Variants in GAS7 observed in about 807,000 individuals in gnomAD.
The protein encoded by GAS7 is growth arrest specific 7.
Under a neutral mutation model 71.1 loss-of-function variants are expected in GAS7, and 28 were observed. The ratio of observed to expected loss-of-function variants is 0.39; its 90% CI spans 0.29 to 0.54. GAS7 has a LOEUF of 0.54. Among genes scored for constraint, GAS7 ranks in the 20% least tolerant of loss-of-function variants. The probability of loss-of-function intolerance (pLI) is 0.62; values close to 1 mark genes in which losing one functional copy is unlikely to be tolerated. For synonymous variants in GAS7, 258 were observed against 245.8 expected, an observed-to-expected ratio of 1.05 and a Z score of -0.46; for missense variants, 436 against 627.8, an observed-to-expected ratio of 0.69 and a Z score of 3.27.
intron 1 of GAS7, among the ~76,000 whole-genome samples, chr17:10,110,247 A>T (rs2073798463): frequency 6.6e-6 from 1 of 152,166 alleles, no homozygotes; most frequent in African/African-American, 2.4e-5. Flanking sequence ...CATTAGCAGC[A>T]ACATGAACGG....
intron 1 of GAS7, among the ~76,000 whole-genome samples, chr17:10,024,070 G>A (rs1164304257): frequency 6.6e-6 from 1 of 152,212 alleles, no homozygotes; most frequent in Non-Finnish European, 1.5e-5. Context: ...GTTGCCGTGA[G>A]CCAAGACTGC....
At chr17:10,166,971 C>T (rs2074298577) in intron 1 of GAS7, among the ~76,000 whole-genome samples, 1 of 151,150 alleles carries the variant, frequency 6.6e-6, no homozygotes, top group Admixed American at 6.6e-5. Context: ...TGGGACTTCA[C>T]TCTGCCACTA....
In GAS7 at chr17:10,032,886, G is replaced by A. The variant is rs184920586; in HGVS notation, c.184-12989C>T. On this transcript the variant is annotated intron_variant, in intron 1 of 13. Transcript: ENST00000432992. ...GGCTTGTCTGAGACACCAACAAAGCGAAGTGATATACCAAAAATTGGAAAT... is the reference window on the plus strand; with the variant it reads ...GGCTTGTCTGAGACACCAACAAAGCAAAGTGATATACCAAAAATTGGAAAT... 1.5e-3 allele frequency among the ~76,000 whole-genome samples: 229 copies of A among 152,300 alleles called. 1 individual carries two copies. The highest frequency in any genetic ancestry group is 4.4e-3 in the African/African-American group (184 of 41,546).
intron 9 of GAS7, among the ~76,000 whole-genome samples, chr17:9,931,620 G>C (rs1015417655): frequency 3.9e-5 from 6 of 152,246 alleles, no homozygotes; most frequent in African/African-American, 1.4e-4. Context: ...ATAACTTGCT[G>C]TTTTGGATGC....
intron 1 of GAS7, among the ~76,000 whole-genome samples, chr17:10,135,950 T>C (rs1375229830): frequency 6.6e-6 from 1 of 152,124 alleles, no homozygotes; most frequent in Non-Finnish European, 1.5e-5. Flanking sequence ...AGTTCAGATG[T>C]GGGGAGACAG....
intron 1 of GAS7, chr17:10,036,549 C>T (rs2072756658): frequency 1.9e-6 from 3 of 1,578,058 alleles, no homozygotes; most frequent in East Asian, 4.5e-5. Context: ...TTCATGGCAG[C>T]CTCTCCGGGA....
At chr17:9,988,366 C>T (rs1258756920) in intron 2 of GAS7, among the ~76,000 whole-genome samples, 3 of 152,204 alleles carry the variant, frequency 2.0e-5, no homozygotes, top group Non-Finnish European at 4.4e-5. Context: ...GTCCTCCAAG[C>T]GAGCCCCATT....
At chr17:10,096,832 T>C (rs947858403) in intron 1 of GAS7, among the ~76,000 whole-genome samples, 1 of 152,232 alleles carries the variant, frequency 6.6e-6, no homozygotes, top group Non-Finnish European at 1.5e-5. Context: ...AACCTACGGA[T>C]CCACGAGTGG....
rs2069366682 is a variant in GAS7 at position 9,959,046 on chromosome 17, T to C, written c.525+156A>G. The C allele has an allele frequency of 2.2e-6, 3 of 1,335,212 alleles. No homozygotes were observed. The South Asian group carries it at 4.6e-5, about 21-fold the overall frequency. The allele number at this position is 1,335,212 out of a possible 1,614,324, so 82.7% of individuals were successfully genotyped here. ...GAGAAGGGGAGGTGGGAGGGGCATG[T>C]GGATGGGGAACTTGAGTGAAATCCG... On this transcript the variant is annotated intron_variant, in intron 5 of 13. Transcript: ENST00000432992. The surrounding 1 kb of genome is among the most constrained non-coding windows in gnomAD (Gnocchi z 5.0).
intron 12 of GAS7, among the ~76,000 whole-genome samples, chr17:9,918,851 G>C (rs1293233929): frequency 6.6e-6 from 1 of 152,162 alleles, no homozygotes; most frequent in African/African-American, 2.4e-5. Context: ...TCAGAAAGGG[G>C]GGTAAAGCAG....
chr17:10,007,818 C>T (rs998466490), intron 2 of GAS7, among the ~76,000 whole-genome samples: 1 of 151,902 alleles, frequency 6.6e-6, no homozygotes, highest in African/African-American at 2.4e-5. Context: ...GTATAACCTG[C>T]ACCACTACCT....
At chr17:10,041,965 C>T (rs1389579447) in intron 1 of GAS7, among the ~76,000 whole-genome samples, 1 of 152,096 alleles carries the variant, frequency 6.6e-6, no homozygotes, top group Non-Finnish European at 1.5e-5. Context: ...TTGCTGTAGG[C>T]CCTTGTCCTC....
chr17:10,149,834 G>A (rs1256719229), intron 1 of GAS7, among the ~76,000 whole-genome samples: 1 of 152,202 alleles, frequency 6.6e-6, no homozygotes, highest in African/African-American at 2.4e-5. Flanking sequence ...AGTGAAATAA[G>A]CCAGACACAA....
At chr17:10,092,056 C>G (rs1207620409) in intron 1 of GAS7, among the ~76,000 whole-genome samples, 1 of 152,114 alleles carries the variant, frequency 6.6e-6, no homozygotes, top group East Asian at 1.9e-4. Flanking sequence ...GTGGCCTAAA[C>G]AGTCTCCCCC....
At chr17:10,023,506 A>T (rs7215794) in intron 1 of GAS7, among the ~76,000 whole-genome samples, 7,135 of 145,618 alleles carry the variant, frequency 0.049, 558 homozygotes, top group African/African-American at 0.18. Context: ...TTCAGAAATT[A>T]AAAAAAAAAA....
chr17:10,094,776 G>A (rs1353599151), intron 1 of GAS7, among the ~76,000 whole-genome samples: 1 of 152,048 alleles, frequency 6.6e-6, no homozygotes, highest in Non-Finnish European at 1.5e-5. Flanking sequence ...CCACTCTCTG[G>A]ATCTTTAAAA....
At chr17:10,004,316 T>C (rs1392234202) in intron 2 of GAS7, among the ~76,000 whole-genome samples, 2 of 152,226 alleles carry the variant, frequency 1.3e-5, no homozygotes, top group South Asian at 2.1e-4. Flanking sequence ...TCAATTCACA[T>C]GGTCCTTGCC....
intron 11 of GAS7, 99 bp downstream of exon 11, chr17:9,925,377 C>T: frequency 1.6e-6 from 2 of 1,261,278 alleles, no homozygotes; most frequent in East Asian, 2.3e-5. Context: ...TGCAGTCTTG[C>T]AAAGGAGAGA....
At chr17:9,977,402 C>T (rs1264705274) in intron 3 of GAS7, among the ~76,000 whole-genome samples, 1 of 152,180 alleles carries the variant, frequency 6.6e-6, no homozygotes, top group Non-Finnish European at 1.5e-5. Flanking sequence ...CCCAGCATCT[C>T]CCTTTTCACT....
Sources: allele counts gnomAD v4.1 joint callset (sites outside exome capture counted in the v4.1 genomes callset), GRCh38; gene constraint gnomAD v4.1.1; non-coding constraint Gnocchi (gnomAD v3.1); transcripts MANE v1.5; gene names NCBI Gene and HGNC (gene_info 2026-07-23, HGNC 2026-07-21).